The following SLC25A21 variants were observed in gnomAD, a reference collection of about 807,000 sequenced individuals.
SLC25A21 encodes the protein mitochondrial 2-oxodicarboxylate carrier.
SLC25A21 carries 47 observed loss-of-function variants against 43.8 expected under a neutral mutation model. The ratio of observed to expected loss-of-function variants is 1.07; its 90% CI spans 0.85 to 1.37. The LOEUF is 1.37. Among genes scored for constraint, SLC25A21 ranks in the 40% most tolerant of loss-of-function variants. The pLI, the probability that SLC25A21 is intolerant of heterozygous loss-of-function variation, is 0.00. For missense variants in SLC25A21, 352 were observed against 350.2 expected (o/e 1.00, Z -0.04); for synonymous variants, 131 against 121.3 (o/e 1.08, Z -0.52).
chr14:37,015,935 G>C (rs1406749734), intron 1 of SLC25A21, among the ~76,000 whole-genome samples: 1 of 151,686 alleles, frequency 6.6e-6, no homozygotes, highest in African/African-American at 2.4e-5. Context: ...GTAGATTCTG[G>C]ATATTAGCCC....
At chr14:37,096,260 G>A (rs1255712819) in intron 1 of SLC25A21, among the ~76,000 whole-genome samples, 1 of 152,144 alleles carries the variant, frequency 6.6e-6, no homozygotes, top group Non-Finnish European at 1.5e-5. Flanking sequence ...GTTGATAACA[G>A]AATTGTAGTT....
At chr14:36,912,088 T>A (rs1891701188) in intron 1 of SLC25A21, among the ~76,000 whole-genome samples, 1 of 152,192 alleles carries the variant, frequency 6.6e-6, no homozygotes, top group African/African-American at 2.4e-5. Flanking sequence ...CTATCTTAAA[T>A]CCAAAATGTA....
chr14:36,839,572 C>T (rs529717418), intron 2 of SLC25A21, among the ~76,000 whole-genome samples: 56 of 152,318 alleles, frequency 3.7e-4, no homozygotes. Context: ...GGCTTTGAAT[C>T]CAGTCAAATG....
chr14:36,799,568 GT>G (rs1446143919), intron 3 of SLC25A21, among the ~76,000 whole-genome samples: 1 of 152,128 alleles, frequency 6.6e-6, no homozygotes, highest in African/African-American at 2.4e-5. Flanking sequence ...TGGTTTCTCA[GT>G]TTTCCATTTA....
chr14:37,034,174 G>A (rs1161335001), intron 1 of SLC25A21, among the ~76,000 whole-genome samples: 10 of 151,848 alleles, frequency 6.6e-5, no homozygotes, highest in Admixed American at 5.9e-4. Context: ...CTGCCACTAC[G>A]CCCAGCTAAT....
At chr14:36,875,466 T>C (rs1190515751) in intron 1 of SLC25A21, among the ~76,000 whole-genome samples, 2 of 152,132 alleles carry the variant, frequency 1.3e-5, no homozygotes, top group African/African-American at 2.4e-5. Context: ...ACAAAGAAAA[T>C]GATGCCTCTT....
At chr14:37,101,561 T>A (rs1235905804) in intron 1 of SLC25A21, among the ~76,000 whole-genome samples, 1 of 152,232 alleles carries the variant, frequency 6.6e-6, no homozygotes, top group African/African-American at 2.4e-5. Flanking sequence ...ATAATATTAT[T>A]TTAATTGTTA....
intron 3 of SLC25A21, among the ~76,000 whole-genome samples, chr14:36,764,202 G>GAAAC (rs1886313580): frequency 1.3e-5 from 2 of 149,368 alleles, no homozygotes; most frequent in South Asian, 2.2e-4. Flanking sequence ...GAGAAAGAAA[G>GAAAC]AAACTGTTAG....
intron 8 of SLC25A21, 128 bp downstream of exon 8, chr14:36,684,616 T>A: frequency 2.6e-6 from 2 of 777,646 alleles, no homozygotes; most frequent in Non-Finnish European, 4.0e-6. Flanking sequence ...GTCATATATA[T>A]TCGCAGTTTC....
chr14:36,958,679 G>GCGCGCACACACACA (rs1399246300), intron 1 of SLC25A21, among the ~76,000 whole-genome samples: 4 of 136,972 alleles, frequency 2.9e-5, no homozygotes, highest in East Asian at 4.7e-4. Context: ...AAGCACACGT[G>GCGCGCACACACACA]CACACACACA....
chr14:37,139,397 A>G (rs1963534687), intron 1 of SLC25A21, among the ~76,000 whole-genome samples: 1 of 152,182 alleles, frequency 6.6e-6, no homozygotes, highest in Non-Finnish European at 1.5e-5. Flanking sequence ...ATAGTTTCAT[A>G]CAAGAGTAAG....
chr14:36,695,874 C>A (rs1882998952), intron 7 of SLC25A21, among the ~76,000 whole-genome samples: 1 of 152,192 alleles, frequency 6.6e-6, no homozygotes, highest in Non-Finnish European at 1.5e-5. Context: ...TTGACTTCCT[C>A]ATTTTCTAAT....
intron 3 of SLC25A21, among the ~76,000 whole-genome samples, chr14:36,803,287 A>G (rs982850686): frequency 3.9e-5 from 6 of 152,172 alleles, no homozygotes; most frequent in African/African-American, 1.2e-4. Flanking sequence ...CACATATTTT[A>G]TTTTACACAT....
At chr14:37,032,166 C>G (rs1961225592) in intron 1 of SLC25A21, among the ~76,000 whole-genome samples, 1 of 152,100 alleles carries the variant, frequency 6.6e-6, no homozygotes, top group African/African-American at 2.4e-5. Flanking sequence ...ATATAAATCA[C>G]AAGGATTATT....
At chr14:37,100,711 G>A (rs1962801096) in intron 1 of SLC25A21, among the ~76,000 whole-genome samples, 1 of 152,218 alleles carries the variant, frequency 6.6e-6, no homozygotes, top group Non-Finnish European at 1.5e-5. Context: ...CAGATCAGTA[G>A]AGAACAGCTG....
intron 1 of SLC25A21, among the ~76,000 whole-genome samples, chr14:37,034,945 T>C (rs1420256804): frequency 3.3e-5 from 5 of 152,224 alleles, no homozygotes. Flanking sequence ...GGCCCAATCA[T>C]AACTAGCTAA....
At chr14:36,931,566 A>G (rs570013883) in intron 1 of SLC25A21, among the ~76,000 whole-genome samples, 2 of 152,314 alleles carry the variant, frequency 1.3e-5, no homozygotes, top group South Asian at 4.1e-4. Context: ...GAAGGACATT[A>G]TATTTTCTTG....
At chr14:37,002,799 T>A (rs1048533600) in intron 1 of SLC25A21, among the ~76,000 whole-genome samples, 3 of 152,212 alleles carry the variant, frequency 2.0e-5, no homozygotes, top group Admixed American at 6.5e-5. Context: ...GTCCATGATA[T>A]TCTGGTGCTT....
intron 1 of SLC25A21, among the ~76,000 whole-genome samples, chr14:37,129,830 A>G (rs994563872): frequency 2.0e-5 from 3 of 151,790 alleles, no homozygotes; most frequent in African/African-American, 4.8e-5. Flanking sequence ...TATTTAACTT[A>G]TATTTATTTA....
Sources: allele counts gnomAD v4.1 joint callset (sites outside exome capture counted in the v4.1 genomes callset), GRCh38; gene constraint gnomAD v4.1.1; transcripts MANE v1.5; gene names NCBI Gene and HGNC (gene_info 2026-07-23, HGNC 2026-07-21).